IWS1: variants seen among roughly 807,000 people sequenced by gnomAD.
The protein encoded by IWS1 is interacts with SUPT6H, CTD assembly factor 1.
A neutral mutation model predicts 86.7 loss-of-function variants in IWS1; 27 were observed. The ratio of observed to expected loss-of-function variants is 0.31; its 90% confidence interval spans 0.23 to 0.43. IWS1 has a LOEUF of 0.43. Among genes scored for constraint, IWS1 ranks in the 20% least tolerant of loss-of-function variants. The probability of loss-of-function intolerance (pLI) is 1.00; values close to 1 mark genes in which losing one functional copy is unlikely to be tolerated. For synonymous variants in IWS1, 313 were observed against 335.1 expected (o/e 0.93, Z 0.72); for missense variants, 827 against 1,000.8 (o/e 0.83, Z 2.34).
chr2:127,497,669 G>A (rs1690584446), intron 6 of IWS1, among the ~76,000 whole-genome samples: 1 of 152,106 alleles, frequency 6.6e-6, no homozygotes, highest in Non-Finnish European at 1.5e-5. Flanking sequence ...GCATCTTTAC[G>A]ACTGAAAACA....
At chr2:127,491,927 T>A (rs754370948) in intron 10 of IWS1, 44 bp downstream of exon 10, 2 of 1,122,490 alleles carry the variant, frequency 1.8e-6, no homozygotes, top group East Asian at 4.7e-5. Flanking sequence ...CTCTCTCTTA[T>A]CTATACACAT....
At chr2:127,525,303 C>T (rs569209364) in intron 1 of IWS1, among the ~76,000 whole-genome samples, 1 of 152,234 alleles carries the variant, frequency 6.6e-6, no homozygotes, top group South Asian at 2.1e-4. Flanking sequence ...AAACGCTTTG[C>T]AGTCATTAGA....
At chr2:127,498,763 T>C (rs923654604) in intron 5 of IWS1, 2 of 152,312 alleles carry the variant, frequency 1.3e-5, no homozygotes, top group Admixed American at 6.5e-5. Context: ...CCCTACGTAC[T>C]CACTACTACA....
At chr2:127,491,923 CTT>C in intron 10 of IWS1, 46 bp downstream of exon 10, 1 of 1,095,022 alleles carries the variant, frequency 9.1e-7, no homozygotes, top group Non-Finnish European at 1.4e-6. Context: ...GCATCTCTCT[CTT>C]ATCTATACAC....
chr2:127,497,207 T>C (rs1388529802), intron 6 of IWS1, among the ~76,000 whole-genome samples: 1 of 152,226 alleles, frequency 6.6e-6, no homozygotes, highest in Non-Finnish European at 1.5e-5. Context: ...CTGTTATATA[T>C]ACACATATAA....
intron 12 of IWS1, among the ~76,000 whole-genome samples, chr2:127,488,425 C>T (rs934154976): frequency 2.6e-5 from 4 of 152,210 alleles, no homozygotes; most frequent in Non-Finnish European, 5.9e-5. Context: ...GTAATAAACA[C>T]TGTCTCAGCA....
At chr2:127,482,812 C>CT (rs1303936047) in intron 13 of IWS1, 1 of 152,156 alleles carries the variant, frequency 6.6e-6, no homozygotes, top group African/African-American at 2.4e-5. Context: ...AATGATCTCT[C>CT]TCCTGATTCA....
chr2:127,515,596 A>T (rs1489404118), intron 2 of IWS1, among the ~76,000 whole-genome samples: 1 of 152,206 alleles, frequency 6.6e-6, no homozygotes, highest in Non-Finnish European at 1.5e-5. Flanking sequence ...GAAGTCAAAC[A>T]AGGACTTTTG....
chr2:127,526,765 C>G, upstream of IWS1: 1 of 1,071,262 alleles, frequency 9.3e-7, no homozygotes, highest in Non-Finnish European at 1.3e-6. Context: ...AAATGAAGAC[C>G]TGCTCAAATG....
intron 2 of IWS1, among the ~76,000 whole-genome samples, chr2:127,509,761 T>C (rs1317495645): frequency 6.6e-6 from 1 of 151,194 alleles, no homozygotes; most frequent in East Asian, 1.9e-4. Flanking sequence ...ACCTCCTTCT[T>C]AGCCATCATT....
chr2:127,488,960 A>G (rs2104660777), intron 12 of IWS1, among the ~76,000 whole-genome samples: 1 of 152,342 alleles, frequency 6.6e-6, no homozygotes, highest in Middle Eastern at 3.4e-3. Context: ...TCTAGCACTT[A>G]GCAAACAGCA....
intron 13 of IWS1, 42 bp from the exon 14 acceptor site, chr2:127,481,217 C>A (rs368270703): frequency 6.4e-7 from 1 of 1,560,036 alleles, no homozygotes; most frequent in Non-Finnish European, 8.6e-7. Context: ...TACTGAAATA[C>A]GTAAGTCTAG....
chr2:127,506,619 C>T (rs1691164858), intron 2 of IWS1: 1 of 164,978 alleles, frequency 6.1e-6, no homozygotes, highest in African/African-American at 2.4e-5. Flanking sequence ...GCCAATACCA[C>T]AACAGGCTCT....
At chr2:127,495,815 CT>C (rs1380119980) in intron 7 of IWS1, among the ~76,000 whole-genome samples, 182 bp downstream of exon 7, 1 of 152,130 alleles carries the variant, frequency 6.6e-6, no homozygotes, top group East Asian at 1.9e-4. Context: ...CATATTTTCA[CT>C]TTTTCTAAAC....
chr2:127,483,590 G>GGGGGGGGGGGGT (rs1689761509), intron 13 of IWS1, among the ~76,000 whole-genome samples: 1 of 42,454 alleles, frequency 2.4e-5, no homozygotes, highest in Non-Finnish European at 4.9e-5. Context: ...GGGTGGTGGG[G>GGGGGGGGGGGGT]TGGGGGGGTT....
chr2:127,525,725 T>A (rs886098403), intron 1 of IWS1, among the ~76,000 whole-genome samples: 6 of 152,196 alleles, frequency 3.9e-5, no homozygotes, highest in Admixed American at 6.5e-5. Context: ...CATTCCTTAC[T>A]CTATGCATGC....
At position 127,493,530 on chromosome 2, in the gene IWS1, T is replaced by C. The variant is rs865796397; in HGVS notation, c.1800-120A>G. 70 of 886,706 alleles carry C rather than the reference T, an allele frequency of 7.9e-5. No individual in the cohort carries two copies. In the Middle Eastern group the frequency reaches 1.4e-3, roughly 18 times the overall value. 54.9% of individuals were successfully genotyped at this position (886,706 alleles called of 1,614,324 possible). On this transcript the variant is annotated intron_variant, in intron 8 of 13. Coordinates refer to ENST00000295321, the MANE Select transcript of IWS1 (RefSeq NM_017969.3). ...CTTTTAAAGCGTTACTCATATAAAT[T>C]TGACATTTACTGAACACCATTCTGG... is the stretch of plus-strand genomic sequence containing the variant.
Position 127,489,574 on chromosome 2 carries a change from T to C in IWS1, c.2159+258A>G. Reference sequence around the variant, plus strand: ...CCAGAAAGTTGTTTTCTCAAGTGGATGGAACAACACAAGCAATCAGTATCC... The same window carrying C: ...CCAGAAAGTTGTTTTCTCAAGTGGACGGAACAACACAAGCAATCAGTATCC... On this transcript the variant is annotated intron_variant, in intron 11 of 13. Transcript: ENST00000295321. The surrounding 1 kb of genome is among the most constrained non-coding windows in gnomAD (Gnocchi z 4.8). 1 of 526,444 alleles carries C rather than the reference T, an allele frequency of 1.9e-6. No individual in the cohort carries two copies. Among genetic ancestry groups the C allele is most frequent in the Non-Finnish European group, 3.3e-6 (1 of 299,420 alleles). 32.6% of individuals were successfully genotyped at this position (526,444 alleles called of 1,614,324 possible). A position where few individuals can be genotyped will look rare whatever the true frequency, so the allele number is the denominator to read the frequency against.
rs1337933361 is a variant in IWS1 at position 127,496,547 on chromosome 2, T to TCACACACACACA, written c.1566-400_1566-399insTGTGTGTGTGTG. Among the ~76,000 whole-genome samples, 5 of 49,406 alleles carry TCACACACACACA rather than the reference T, an allele frequency of 1.0e-4. No homozygotes were observed. In the Admixed American group the frequency reaches 1.4e-3, roughly 14 times the overall value. The allele number at this position is 49,406 out of a possible 152,430, so 32.4% of individuals were successfully genotyped here. A position where few individuals can be genotyped will look rare whatever the true frequency, so the allele number is the denominator to read the frequency against. On this transcript the variant is annotated intron_variant, in intron 6 of 13. Transcript: ENST00000295321. Reference sequence around the variant, plus strand: ...CTCTAAACAGGTGTACCATATTTTATCATACACACACACACACACACACAC... The same window carrying TCACACACACACA: ...CTCTAAACAGGTGTACCATATTTTATCACACACACACACATACACACACACACACACACACAC...
Sources: gnomAD v4.1 joint callset for allele counts (sites outside exome capture counted in the v4.1 genomes callset) on GRCh38, gnomAD v4.1.1 for gene constraint, Gnocchi (gnomAD v3.1) non-coding constraint, MANE v1.5 for transcripts, NCBI Gene and HGNC (gene_info 2026-07-23, HGNC 2026-07-21) for gene names.